TTLL11: variants seen among roughly 807,000 people sequenced by gnomAD.
TTLL11 encodes tubulin polyglutamylase TTLL11.
Under a neutral mutation model 51.7 loss-of-function variants are expected in TTLL11, and 42 were observed. That is an observed-to-expected ratio of 0.81 (90% CI 0.64 to 1.05). TTLL11 has a LOEUF of 1.05. Ranked by LOEUF, TTLL11 falls within the 50% of genes least tolerant of loss-of-function variation. The probability of loss-of-function intolerance (pLI) is 0.00; values close to 1 mark genes in which losing one functional copy is unlikely to be tolerated. For synonymous variants in TTLL11, 381 were observed against 383.5 expected, an observed-to-expected ratio of 0.99 and a Z score of 0.08; for missense variants, 799 against 940.4, an observed-to-expected ratio of 0.85 and a Z score of 1.97.
rs188167560 is a variant in TTLL11 at position 121,984,598 on chromosome 9, C to T, written c.1269+4597G>A. 6.6e-5 allele frequency among the ~76,000 whole-genome samples: 10 copies of T among 152,300 alleles called. No homozygotes were observed. The East Asian group carries it at 1.9e-3, about 29-fold the overall frequency. On this transcript the variant is annotated intron_variant, in intron 4 of 8. Coordinates refer to ENST00000321582, the MANE Select transcript of TTLL11 (RefSeq NM_001139442.2). ...AAGCCCTTGACCACTCACTGCATTG[C>T]TCCTTGGCCTTCTTCCCTTGGGGTG...
intron 6 of TTLL11, among the ~76,000 whole-genome samples, chr9:121,907,619 T>C (rs1839990317): frequency 6.6e-6 from 1 of 152,198 alleles, no homozygotes; most frequent in Admixed American, 6.5e-5. Context: ...TAAGATTCTT[T>C]CAGGCAATCA....
At chr9:122,051,114 A>T (rs1845143359) in intron 1 of TTLL11, among the ~76,000 whole-genome samples, 1 of 152,222 alleles carries the variant, frequency 6.6e-6, no homozygotes, top group Non-Finnish European at 1.5e-5. Context: ...ATTTAAGATT[A>T]ATATATCCTT....
chr9:121,916,742 T>A (rs1283702139), intron 6 of TTLL11, among the ~76,000 whole-genome samples: 2 of 152,168 alleles, frequency 1.3e-5, no homozygotes, highest in Non-Finnish European at 2.9e-5. Context: ...CTACCCACAT[T>A]AGAGTGTGAT....
At chr9:122,045,149 G>A (rs916741889) in intron 1 of TTLL11, among the ~76,000 whole-genome samples, 7 of 151,820 alleles carry the variant, frequency 4.6e-5, no homozygotes, top group African/African-American at 1.7e-4. Context: ...CAAGTATATA[G>A]AGAAATTGGA....
chr9:121,860,804 A>G (rs1199617616), intron 7 of TTLL11, among the ~76,000 whole-genome samples: 2 of 152,322 alleles, frequency 1.3e-5, no homozygotes, highest in South Asian at 4.1e-4. Flanking sequence ...CTCCAGAACC[A>G]TGAGAAGTAA....
At chr9:121,826,203 T>TACACAC (rs1327012411) in intron 8 of TTLL11, among the ~76,000 whole-genome samples, 2 of 112,590 alleles carry the variant, frequency 1.8e-5, no homozygotes, top group African/African-American at 3.9e-5. Context: ...TATATATATA[T>TACACAC]ATATATATAT....
chr9:121,983,488 G>A (rs910299144), intron 4 of TTLL11, among the ~76,000 whole-genome samples: 5 of 152,134 alleles, frequency 3.3e-5, no homozygotes, highest in African/African-American at 4.8e-5. Flanking sequence ...TTGTGAATAG[G>A]GGGACACCTT....
At chr9:122,058,964 C>G (rs1006664207) in intron 1 of TTLL11, among the ~76,000 whole-genome samples, 3 of 152,092 alleles carry the variant, frequency 2.0e-5, no homozygotes, top group Non-Finnish European at 4.4e-5. Flanking sequence ...TAAGGCAGAG[C>G]TAGGCCACGT....
intron 6 of TTLL11, among the ~76,000 whole-genome samples, chr9:121,953,597 C>T (rs1841919689): frequency 7.0e-6 from 1 of 143,532 alleles, no homozygotes; most frequent in South Asian, 2.2e-4. Flanking sequence ...CGCGCTAATG[C>T]ACTCCAGCCT....
intron 4 of TTLL11, among the ~76,000 whole-genome samples, chr9:121,978,019 T>C (rs1358554624): frequency 6.6e-6 from 1 of 152,162 alleles, no homozygotes; most frequent in Non-Finnish European, 1.5e-5. Flanking sequence ...AGAACTATTC[T>C]AGCTGCTGGA....
At chr9:122,056,972 T>C (rs939199567) in intron 1 of TTLL11, among the ~76,000 whole-genome samples, 1 of 152,190 alleles carries the variant, frequency 6.6e-6, no homozygotes, top group Non-Finnish European at 1.5e-5. Context: ...GAAGGGCATG[T>C]GTCTGCTTCA....
chr9:121,825,258 C>T (rs2119106688), intron 8 of TTLL11, among the ~76,000 whole-genome samples: 1 of 152,070 alleles, frequency 6.6e-6, no homozygotes, highest in East Asian at 1.9e-4. Flanking sequence ...GGGTCAGATA[C>T]ACACAGAGTG....
In TTLL11 at chr9:121,974,132, G is replaced by A. The variant is rs375665256; in HGVS notation, c.1366-8C>T. 63 of 1,546,692 alleles carry A rather than the reference G, an allele frequency of 4.1e-5. No homozygotes were observed. The African/African-American group carries it at 6.3e-4, about 15-fold the overall frequency. On this transcript the variant is annotated splice_polypyrimidine_tract_variant and splice_region_variant and intron_variant, in intron 5 of 8. Coordinates refer to ENST00000321582, the MANE Select transcript of TTLL11 (RefSeq NM_001139442.2). ...AAACACCCCTGGAGAAAGCTTGAAC[G>A]GGTAAGGATTCTGTGTCACAGTGGA...
chr9:122,067,658 A>ACG (rs747926123), intron 1 of TTLL11, among the ~76,000 whole-genome samples: 11 of 152,094 alleles, frequency 7.2e-5, no homozygotes, highest in Admixed American at 4.6e-4. Flanking sequence ...GCCCACTGCC[A>ACG]CGCCCAGCTA....
intron 8 of TTLL11, among the ~76,000 whole-genome samples, chr9:121,839,172 G>A (rs114770373): frequency 0.012 from 1,842 of 152,266 alleles, 46 homozygotes; most frequent in African/African-American, 0.042. Flanking sequence ...TTCACAGAAC[G>A]CATCACAACG....
intron 6 of TTLL11, among the ~76,000 whole-genome samples, chr9:121,906,191 T>C (rs1430406628): frequency 6.6e-6 from 1 of 152,176 alleles, no homozygotes; most frequent in Non-Finnish European, 1.5e-5. Flanking sequence ...CTCTAATTAT[T>C]TTTTAGACTC....
intron 3 of TTLL11, among the ~76,000 whole-genome samples, chr9:121,993,422 G>A (rs898461671): frequency 6.6e-6 from 1 of 152,168 alleles, no homozygotes; most frequent in African/African-American, 2.4e-5. Flanking sequence ...AATTGTTTCT[G>A]ACTGTGTGAC....
At chr9:121,940,343 C>CT (rs35594469) in intron 6 of TTLL11, among the ~76,000 whole-genome samples, 42,748 of 146,444 alleles carry the variant, frequency 0.29, 6,521 homozygotes, top group African/African-American at 0.4. Context: ...AACTTTCTCT[C>CT]TTTTTTTTTT....
chr9:121,945,668 C>G (rs1014199744), intron 6 of TTLL11, among the ~76,000 whole-genome samples: 9 of 152,220 alleles, frequency 5.9e-5, no homozygotes, highest in Non-Finnish European at 1.3e-4. Flanking sequence ...GAACTACTTA[C>G]AATTTTCCAA....
Sources: gnomAD v4.1 joint callset for allele counts (sites outside exome capture counted in the v4.1 genomes callset) on GRCh38, gnomAD v4.1.1 for gene constraint, MANE v1.5 for transcripts, NCBI Gene and HGNC (gene_info 2026-07-23, HGNC 2026-07-21) for gene names.